The following RPTOR variants were observed in gnomAD, a reference collection of about 807,000 sequenced individuals.
The protein encoded by RPTOR is regulatory associated protein of MTOR complex 1, also known as regulatory-associated protein of mTOR.
A neutral mutation model predicts 169.9 loss-of-function variants in RPTOR; 21 were observed. The observed-to-expected ratio is 0.12, with a 90% CI of 0.09 to 0.18. The LOEUF is 0.18. Among genes scored for constraint, RPTOR ranks in the 10% least tolerant of loss-of-function variants. RPTOR has a pLI of 1.00. For missense variants in RPTOR, 1,133 were observed against 1,855.9 expected, an observed-to-expected ratio of 0.61 and a Z score of 7.16; for synonymous variants, 732 against 753.2, an observed-to-expected ratio of 0.97 and a Z score of 0.46.
At chr17:80,943,144 G>A (rs774124138) in intron 25 of RPTOR, among the ~76,000 whole-genome samples, 4 of 152,208 alleles carry the variant, frequency 2.6e-5, no homozygotes, top group Admixed American at 6.5e-5. Flanking sequence ...GCTTCAGCCC[G>A]CAGACTCCGT....
chr17:80,880,511 C>G (rs749730816), intron 14 of RPTOR, 22 bp downstream of exon 14: 11 of 1,611,390 alleles, frequency 6.8e-6, no homozygotes, highest in East Asian at 2.2e-5. Context: ...GCAGCACGCT[C>G]TCCACGGGCT....
At chr17:80,628,127 C>T (rs536141821) in intron 2 of RPTOR, among the ~76,000 whole-genome samples, 86 of 152,278 alleles carry the variant, frequency 5.6e-4, no homozygotes, top group South Asian at 2.5e-3. Flanking sequence ...CATGAGCCAC[C>T]GTGCCTGGCC....
At chr17:80,899,739 G>A (rs754443262) in intron 20 of RPTOR, among the ~76,000 whole-genome samples, 6 of 152,230 alleles carry the variant, frequency 3.9e-5, no homozygotes, top group South Asian at 4.1e-4. Context: ...CTATGTAACC[G>A]TGTGGACTGA....
At chr17:80,843,662 T>C (rs2067695416) in intron 10 of RPTOR, among the ~76,000 whole-genome samples, 1 of 152,006 alleles carries the variant, frequency 6.6e-6, no homozygotes, top group Admixed American at 6.6e-5. Flanking sequence ...AAGTCCCCTC[T>C]TTAAGCAGCA....
At chr17:80,615,957 C>T (rs915832399) in intron 1 of RPTOR, among the ~76,000 whole-genome samples, 3 of 152,028 alleles carry the variant, frequency 2.0e-5, no homozygotes, top group African/African-American at 7.3e-5. Flanking sequence ...TCATGAGATG[C>T]GTTGGCCCAA....
intron 20 of RPTOR, among the ~76,000 whole-genome samples, chr17:80,896,439 C>T (rs2068402978): frequency 1.8e-5 from 2 of 111,794 alleles, no homozygotes; most frequent in African/African-American, 3.7e-5. Flanking sequence ...CAACACCCCA[C>T]GGCCATGCCG....
In RPTOR at chr17:80,746,483, G is replaced by T. The variant is rs149355591; in HGVS notation, c.655-7527G>T. Among the ~76,000 whole-genome samples, 694 of 152,300 alleles carry T rather than the reference G, an allele frequency of 4.6e-3. 4 individuals are homozygous for T. The highest frequency in any genetic ancestry group is 0.016 in the African/African-American group (646 of 41,568). On this transcript the variant is annotated intron_variant, in intron 5 of 33. Transcript: ENST00000306801. The surrounding 1 kb of genome is among the most constrained non-coding windows in gnomAD (Gnocchi z 4.5). ...AACAATGCAGCAGATGTCTTTTTTG[G>T]ATCCGGTTGCTGTGTATCGCATCGC...
intron 3 of RPTOR, among the ~76,000 whole-genome samples, chr17:80,692,378 G>A (rs1347084288): frequency 6.6e-6 from 1 of 152,164 alleles, no homozygotes; most frequent in Admixed American, 6.5e-5. Flanking sequence ...CTGGAGCGCA[G>A]TGGCATGATC....
At chr17:80,798,581 C>T (rs957510120) in intron 7 of RPTOR, among the ~76,000 whole-genome samples, 5 of 152,012 alleles carry the variant, frequency 3.3e-5, no homozygotes, top group East Asian at 3.9e-4. Context: ...AGCAGGATGG[C>T]GCTCCTCCAA....
intron 3 of RPTOR, among the ~76,000 whole-genome samples, chr17:80,700,718 G>A (rs945372592): frequency 2.7e-3 from 16 of 5,856 alleles, no homozygotes; most frequent in Non-Finnish European, 4.3e-3. Flanking sequence ...GATGGTGGTG[G>A]TGGTGGTGGT....
chr17:80,761,517 G>A (rs2066736531), intron 6 of RPTOR, among the ~76,000 whole-genome samples: 1 of 152,202 alleles, frequency 6.6e-6, no homozygotes, highest in Non-Finnish European at 1.5e-5. Context: ...GTTGGGTGGA[G>A]GCTCAGCGTG....
chr17:80,636,126 G>A (rs879930631), intron 2 of RPTOR, among the ~76,000 whole-genome samples: 1 of 152,052 alleles, frequency 6.6e-6, no homozygotes, highest in Non-Finnish European at 1.5e-5. Flanking sequence ...ACTGTTTTGG[G>A]CCTCAGTTTC....
rs866093816 is a variant in RPTOR at position 80,936,551 on chromosome 17, A to T, written c.2920-3945A>T. Among the ~76,000 whole-genome samples the T allele has an allele frequency of 3.3e-5, 5 of 152,360 alleles. No homozygotes were observed. The Middle Eastern group carries it at 0.01, about 311-fold the overall frequency. ...ACTATTGATAAACGCAGTGGCACAG[A>T]TGCATCTCAAGTGTATCATGCTAAA... On this transcript the variant is annotated intron_variant, in intron 24 of 33. Coordinates refer to ENST00000306801, the MANE Select transcript of RPTOR (RefSeq NM_020761.3). This position sits in a 1 kb window ranked among gnomAD's most constrained non-coding sequence, Gnocchi z 4.1.
At chr17:80,932,563 TAAGA>T (rs1441809944) in intron 24 of RPTOR, among the ~76,000 whole-genome samples, 1 of 151,892 alleles carries the variant, frequency 6.6e-6, no homozygotes, top group Non-Finnish European at 1.5e-5. Flanking sequence ...AGTTGGACAC[TAAGA>T]AAGAGTCAAG....
chr17:80,672,129 C>G (rs7217702), intron 3 of RPTOR, among the ~76,000 whole-genome samples: 76,401 of 151,982 alleles, frequency 0.5, 19,433 homozygotes, highest in East Asian at 0.6. Flanking sequence ...TGGAGAGGAA[C>G]AGTGGCCCTG....
chr17:80,649,644 G>A (rs1472791360), intron 3 of RPTOR, among the ~76,000 whole-genome samples: 1 of 152,170 alleles, frequency 6.6e-6, no homozygotes, highest in Non-Finnish European at 1.5e-5. Context: ...ATCTTCTGGT[G>A]GTCTTGGGGT....
chr17:80,675,265 G>T (rs1286238685), intron 3 of RPTOR, among the ~76,000 whole-genome samples: 2 of 152,068 alleles, frequency 1.3e-5, no homozygotes, highest in Non-Finnish European at 2.9e-5. Context: ...TTTAAATTTT[G>T]ACAGTTATTT....
chr17:80,862,990 C>T (rs569190423), intron 13 of RPTOR, among the ~76,000 whole-genome samples: 24 of 152,328 alleles, frequency 1.6e-4, no homozygotes, highest in Admixed American at 6.5e-4. Context: ...AGCGGAAGGG[C>T]GAGCCTGGGA....
At chr17:80,566,740 C>T (rs1182084125) in intron 1 of RPTOR, among the ~76,000 whole-genome samples, 13 of 138,264 alleles carry the variant, frequency 9.4e-5, no homozygotes, top group African/African-American at 3.6e-4. Flanking sequence ...AGGAGAATGG[C>T]GTGAACCCGG....
Sources: allele counts gnomAD v4.1 joint callset (sites outside exome capture counted in the v4.1 genomes callset), GRCh38; gene constraint gnomAD v4.1.1; non-coding constraint Gnocchi (gnomAD v3.1); transcripts MANE v1.5; gene names NCBI Gene and HGNC (gene_info 2026-07-23, HGNC 2026-07-21).